Variants in ANKMY1 observed in about 807,000 individuals in gnomAD.
ANKMY1 encodes ankyrin repeat and MYND domain-containing protein 1.
In ANKMY1, 98 loss-of-function variants were observed where a neutral mutation model predicts 102.0. That is an observed-to-expected ratio of 0.96 (90% CI 0.82 to 1.14). The LOEUF (loss-of-function observed/expected upper bound fraction) is 1.14. Ranked by LOEUF, ANKMY1 falls within the 50% of genes most tolerant of loss-of-function variation. ANKMY1 has a pLI of 0.00. For missense variants in ANKMY1, 1,330 were observed against 1,347.6 expected (o/e 0.99, Z 0.20); for synonymous variants, 582 against 559.9 (o/e 1.04, Z -0.56).
chr2:240,527,744 G>T, intron 5 of ANKMY1: 1 of 152,544 alleles, frequency 6.6e-6, no homozygotes. Context: ...TGAATGGATG[G>T]CTGGATGGGT....
chr2:240,536,653 A>T (rs1451898033), intron 4 of ANKMY1, among the ~76,000 whole-genome samples: 1 of 152,264 alleles, frequency 6.6e-6, no homozygotes, highest in Non-Finnish European at 1.5e-5. Context: ...CATAAGATGT[A>T]TCGCATTGCC....
downstream of ANKMY1, among the ~76,000 whole-genome samples, chr2:240,477,514 G>A (rs2074934356): frequency 6.6e-6 from 1 of 152,062 alleles, no homozygotes; most frequent in African/African-American, 2.4e-5. Context: ...TCCCACCACA[G>A]CCTCCTGAGT....
chr2:240,545,021 C>T (rs1459043353), intron 4 of ANKMY1, among the ~76,000 whole-genome samples: 1 of 152,250 alleles, frequency 6.6e-6, no homozygotes, highest in Admixed American at 6.5e-5. Flanking sequence ...CTCAAGGAGG[C>T]CTGCCTGCCT....
At chr2:240,476,365 A>T (rs1489427764), downstream of ANKMY1, among the ~76,000 whole-genome samples, 1 of 152,256 alleles carries the variant, frequency 6.6e-6, no homozygotes, top group Non-Finnish European at 1.5e-5. Context: ...TGACCACAGT[A>T]TCATCTCACA....
intron 8 of ANKMY1, among the ~76,000 whole-genome samples, chr2:240,521,499 T>TG (rs2082268153): frequency 7.5e-6 from 1 of 133,876 alleles, no homozygotes; most frequent in African/African-American, 2.8e-5. Context: ...AGCTTTTTTT[T>TG]TTTTTTTTTT....
At chr2:240,489,348 C>G (rs2076387117) in intron 15 of ANKMY1, among the ~76,000 whole-genome samples, 1 of 151,944 alleles carries the variant, frequency 6.6e-6, no homozygotes, top group South Asian at 2.1e-4. Flanking sequence ...CCCAGCTACT[C>G]TGGAAGCTGA....
chr2:240,520,207 C>A lies in ANKMY1; in HGVS notation c.2004+155G>T. 8.9e-7 allele frequency: 1 copy of A among 1,121,560 alleles called. No homozygotes were observed. Among genetic ancestry groups the A allele is most frequent in the Middle Eastern group, 1.9e-4 (1 of 5,146 alleles). The allele number at this position is 1,121,560 out of a possible 1,614,324, so 69.5% of individuals were successfully genotyped here. On this transcript the variant is annotated intron_variant, in intron 9 of 17. Transcript: ENST00000401804. This position sits in a 1 kb window ranked among gnomAD's most constrained non-coding sequence, Gnocchi z 4.8. Reference sequence around the variant, plus strand: ...TGGGTGAAAGAGCGGGCTGTGGGACCCCCCACTGCGGCGCGCCGTCATCAC... The same window carrying A: ...TGGGTGAAAGAGCGGGCTGTGGGACACCCCACTGCGGCGCGCCGTCATCAC...
chr2:240,538,207 T>A (rs954860679), intron 4 of ANKMY1, among the ~76,000 whole-genome samples: 1 of 152,242 alleles, frequency 6.6e-6, no homozygotes, highest in African/African-American at 2.4e-5. Context: ...AGCCTGCTGC[T>A]GCGCTGTGGG....
intron 6 of ANKMY1, 36 bp from the exon 7 acceptor site, chr2:240,525,885 C>A (rs779259270): frequency 1.2e-6 from 2 of 1,606,176 alleles, no homozygotes; most frequent in East Asian, 4.5e-5. Context: ...GGATGATGCA[C>A]CTGGCCCTCA....
At chr2:240,547,686 C>T (rs1488863950) in intron 4 of ANKMY1, among the ~76,000 whole-genome samples, 1 of 148,340 alleles carries the variant, frequency 6.7e-6, no homozygotes, top group African/African-American at 2.5e-5. Context: ...GGGATATCAC[C>T]ACCGATCCCA....
chr2:240,517,522 A>T (rs1477067417), intron 9 of ANKMY1, among the ~76,000 whole-genome samples: 1 of 151,994 alleles, frequency 6.6e-6, no homozygotes, highest in African/African-American at 2.4e-5. Context: ...ATAGGCAATG[A>T]CTCTTGGCCG....
chr2:240,555,308 A>G (rs2092191819), intron 2 of ANKMY1: 1 of 517,136 alleles, frequency 1.9e-6, no homozygotes, highest in Non-Finnish European at 3.5e-6. Context: ...CAGGCTCTAG[A>G]GGCAGGACCA....
At chr2:240,556,335 C>T (rs1039605674) in intron 2 of ANKMY1, among the ~76,000 whole-genome samples, 5 of 152,184 alleles carry the variant, frequency 3.3e-5, no homozygotes, top group Admixed American at 6.5e-5. Context: ...GAGCGAGATC[C>T]GCTCTCTTAT....
At chr2:240,560,244 T>G (rs2125392742), upstream of ANKMY1, 1 of 157,810 alleles carries the variant, frequency 6.3e-6, no homozygotes, top group Admixed American at 6.5e-5. Flanking sequence ...GTGCACCGGG[T>G]AGCCACGGGG....
chr2:240,533,849 T>C (rs1203790062), intron 4 of ANKMY1, among the ~76,000 whole-genome samples: 1 of 151,738 alleles, frequency 6.6e-6, no homozygotes, highest in African/African-American at 2.4e-5. Flanking sequence ...AGGTTGAAAG[T>C]AAAGTTACAG....
chr2:240,535,694 G>T (rs2152472203), intron 4 of ANKMY1, among the ~76,000 whole-genome samples: 1 of 152,288 alleles, frequency 6.6e-6, no homozygotes, highest in African/African-American at 2.4e-5. Flanking sequence ...CATCTGGTAA[G>T]AATTTATGGT....
In ANKMY1 at chr2:240,520,118, A is replaced by G; in HGVS notation, c.2004+244T>C. ...CTTAGTTTGCTTCAACACTGGGAAA[A>G]AAATCACACGGATCGTGAAGTACTC... On this transcript the variant is annotated intron_variant, in intron 9 of 17. Transcript: ENST00000401804. This position sits in a 1 kb window ranked among gnomAD's most constrained non-coding sequence, Gnocchi z 4.8. 2.8e-6 allele frequency: 2 copies of G among 724,392 alleles called. No homozygotes were observed. The allele number at this position is 724,392 out of a possible 1,614,324, so 44.9% of individuals were successfully genotyped here.
At chr2:240,555,452 G>C (rs1170033628) in intron 2 of ANKMY1, 1 of 225,672 alleles carries the variant, frequency 4.4e-6, no homozygotes, top group South Asian at 8.3e-5. Context: ...CCAGCCCCAA[G>C]CTGGACAGAA....
downstream of ANKMY1, among the ~76,000 whole-genome samples, chr2:240,475,171 A>G (rs2151806901): frequency 6.6e-6 from 1 of 152,346 alleles, no homozygotes; most frequent in East Asian, 1.9e-4. Context: ...TCTAATGATC[A>G]GTGATATTAA....
Sources: gnomAD v4.1 joint callset for allele counts (sites outside exome capture counted in the v4.1 genomes callset) on GRCh38, gnomAD v4.1.1 for gene constraint, Gnocchi (gnomAD v3.1) non-coding constraint, MANE v1.5 for transcripts, NCBI Gene and HGNC (gene_info 2026-07-23, HGNC 2026-07-21) for gene names.